RGS6: variants seen among roughly 807,000 people sequenced by gnomAD.
RGS6 encodes regulator of G-protein signaling 6.
RGS6 carries 30 observed loss-of-function variants against 78.5 expected under a neutral mutation model. The ratio of observed to expected loss-of-function variants is 0.38; its 90% CI spans 0.29 to 0.52. The LOEUF is 0.52. Ranked by LOEUF, RGS6 falls within the 20% of genes least tolerant of loss-of-function variation. The probability of loss-of-function intolerance (pLI) is 0.85; values close to 1 mark genes in which losing one functional copy is unlikely to be tolerated. For synonymous variants in RGS6, 206 were observed against 206.0 expected, an observed-to-expected ratio of 1.00 and a Z score of 0.00; for missense variants, 495 against 609.7, an observed-to-expected ratio of 0.81 and a Z score of 1.98.
chr14:72,152,041 G>C (rs529125590), intron 2 of RGS6, among the ~76,000 whole-genome samples: 1 of 152,154 alleles, frequency 6.6e-6, no homozygotes, highest in Non-Finnish European at 1.5e-5. Flanking sequence ...ATCAAATGGG[G>C]ATAATATGCT....
At chr14:72,407,296 C>G (rs2093017369) in intron 3 of RGS6, among the ~76,000 whole-genome samples, 1 of 152,170 alleles carries the variant, frequency 6.6e-6, no homozygotes, top group Non-Finnish European at 1.5e-5. Context: ...ACATCATAGT[C>G]TTTGCTTGTA....
At chr14:71,993,897 A>C (rs1450459719) in intron 2 of RGS6, among the ~76,000 whole-genome samples, 1 of 151,832 alleles carries the variant, frequency 6.6e-6, no homozygotes. Flanking sequence ...AGGACCACCA[A>C]ATTGGCAGAG....
chr14:71,911,520 C>T, the RGS6 span, among the ~76,000 whole-genome samples: 3 of 152,156 alleles, frequency 2.0e-5, no homozygotes, highest in Non-Finnish European at 4.4e-5. Context: ...GACTAATTAT[C>T]CTACCGTAGG....
At chr14:72,100,502 C>CA (rs1377336820) in intron 2 of RGS6, among the ~76,000 whole-genome samples, 1 of 151,604 alleles carries the variant, frequency 6.6e-6, no homozygotes, top group African/African-American at 2.4e-5. Flanking sequence ...AAAACAAAAC[C>CA]AAAAAAAGGT....
chr14:71,949,226 T>C (rs2091995497), intron 1 of RGS6, among the ~76,000 whole-genome samples: 1 of 152,218 alleles, frequency 6.6e-6, no homozygotes, highest in African/African-American at 2.4e-5. Context: ...TATGTTCAGC[T>C]TTATTCGATC....
intron 2 of RGS6, among the ~76,000 whole-genome samples, chr14:72,226,479 C>T (rs1252416276): frequency 6.6e-6 from 1 of 152,148 alleles, no homozygotes; most frequent in African/African-American, 2.4e-5. Context: ...AAAAACTTTT[C>T]TATTAGCTAT....
At chr14:72,162,945 G>A (rs1385820384) in intron 2 of RGS6, among the ~76,000 whole-genome samples, 2 of 152,150 alleles carry the variant, frequency 1.3e-5, no homozygotes, top group African/African-American at 2.4e-5. Context: ...AAGTAACTCA[G>A]GAATGGAAAC....
the RGS6 span, among the ~76,000 whole-genome samples, chr14:71,874,119 A>G: frequency 6.6e-6 from 1 of 152,200 alleles, no homozygotes; most frequent in African/African-American, 2.4e-5. Flanking sequence ...TGTCTTGGCA[A>G]TGTGGGCTCT....
the RGS6 span, among the ~76,000 whole-genome samples, chr14:71,878,130 G>C: frequency 4.8e-3 from 729 of 152,280 alleles, 6 homozygotes; most frequent in African/African-American, 0.015. Flanking sequence ...CAGGAGCCAG[G>C]GACCCACTTG....
At chr14:72,604,670 G>C in the RGS6 span, among the ~76,000 whole-genome samples, 1 of 152,236 alleles carries the variant, frequency 6.6e-6, no homozygotes, top group South Asian at 2.1e-4. Flanking sequence ...AAAGCAGAAA[G>C]GGGAGAGAAT....
intron 2 of RGS6, among the ~76,000 whole-genome samples, chr14:72,192,334 A>G (rs1425195186): frequency 6.6e-6 from 1 of 152,208 alleles, no homozygotes. Flanking sequence ...TCTCAAATAA[A>G]TCCTTTAGAA....
chr14:72,189,624 G>T (rs1000756231), intron 2 of RGS6, among the ~76,000 whole-genome samples: 4 of 152,062 alleles, frequency 2.6e-5, no homozygotes, highest in African/African-American at 9.7e-5. Flanking sequence ...TACATACCTA[G>T]CTGTAAGTAG....
intron 2 of RGS6, among the ~76,000 whole-genome samples, chr14:72,124,853 A>G (rs1490421655): frequency 1.3e-5 from 2 of 152,208 alleles, no homozygotes; most frequent in East Asian, 1.9e-4. Context: ...AGCTCCCTCC[A>G]TAACTCCCAT....
intron 2 of RGS6, among the ~76,000 whole-genome samples, chr14:72,129,469 C>A (rs970391854): frequency 7.9e-5 from 12 of 152,178 alleles, no homozygotes; most frequent in Admixed American, 6.5e-4. Context: ...CTGGCTGTGC[C>A]AAGTTTCTAT....
At chr14:72,182,788 A>G (rs959563873) in intron 2 of RGS6, among the ~76,000 whole-genome samples, 3 of 152,226 alleles carry the variant, frequency 2.0e-5, no homozygotes, top group Non-Finnish European at 4.4e-5. Context: ...AAATGTGCCA[A>G]TGACTGTTTT....
chr14:72,615,076 C>T, the RGS6 span, among the ~76,000 whole-genome samples: 4 of 152,164 alleles, frequency 2.6e-5, no homozygotes, highest in African/African-American at 9.7e-5. Context: ...ACTTCTCCCT[C>T]GGGCTGAGAC....
intron 2 of RGS6, among the ~76,000 whole-genome samples, chr14:72,014,732 T>C (rs1722167066): frequency 6.6e-6 from 1 of 152,240 alleles, no homozygotes; most frequent in South Asian, 2.1e-4. Flanking sequence ...GATGTTAACG[T>C]GCTGTGTTTG....
rs2097328875 is a variant in RGS6, at chr14:72,541,642, C to G, written c.1422+1548C>G. On this transcript the variant is annotated intron_variant, in intron 17 of 17. Coordinates refer to ENST00000553525, the MANE Select transcript of RGS6 (RefSeq NM_001204424.2). ...GAAGGTAGTGGGATCCCATCTCTCT[C>G]TGTTTGTCTCTTTTGAGGACTGGCT... The G allele has an allele frequency of 2.6e-6, 4 of 1,533,782 alleles. No individual in the cohort carries two copies. In the East Asian group the frequency reaches 9.8e-5, roughly 38 times the overall value.
chr14:72,629,405 T>C, the RGS6 span, among the ~76,000 whole-genome samples: 1 of 152,250 alleles, frequency 6.6e-6, no homozygotes. Context: ...GATCATATAC[T>C]GTGGAATGTG....
Sources: allele counts gnomAD v4.1 joint callset (sites outside exome capture counted in the v4.1 genomes callset), GRCh38; gene constraint gnomAD v4.1.1; transcripts MANE v1.5; gene names NCBI Gene and HGNC (gene_info 2026-07-23, HGNC 2026-07-21).